The following GALNT14 variants were observed in gnomAD, a reference collection of about 807,000 sequenced individuals.
GALNT14 encodes the protein polypeptide N-acetylgalactosaminyltransferase 14, also known as UDP-GalNAc:polypeptide N-acetylgalactosaminyltransferase 14.
A neutral mutation model predicts 77.5 loss-of-function variants in GALNT14; 60 were observed. The ratio of observed to expected loss-of-function variants is 0.77; its 90% CI spans 0.63 to 0.96. The LOEUF (loss-of-function observed/expected upper bound fraction) is 0.96, where lower values mean the gene tolerates loss of function less well. Among genes scored for constraint, GALNT14 ranks in the 40% least tolerant of loss-of-function variants. GALNT14 has a pLI of 0.00. For missense variants in GALNT14, 710 were observed against 731.0 expected (o/e 0.97, Z 0.33); for synonymous variants, 280 against 281.7 (o/e 0.99, Z 0.06).
chr2:30,918,190 C>A (rs530457862), intron 13 of GALNT14, among the ~76,000 whole-genome samples: 1 of 152,196 alleles, frequency 6.6e-6, no homozygotes, highest in Non-Finnish European at 1.5e-5. Context: ...TCCTTTCCTC[C>A]CATGTGGCAA....
Position 30,924,255 on chromosome 2 carries a change from T to C in GALNT14, c.1244A>G (p.Lys415Arg), listed in dbSNP as rs756299828. 3.1e-6 allele frequency: 5 copies of C among 1,613,998 alleles called. No individual in the cohort carries two copies. The highest frequency in any genetic ancestry group is 2.7e-5 in the African/African-American group (2 of 74,912). The part of the protein sequence containing the change: ...ENIYPELSIP[K>R]ESSIQKGNIR... The stretch of plus-strand genomic sequence containing the variant: ...ATTGCCCTTCTGGATGGAGGACTCC[T>C]TGGGGATGCTGGAGGAGAGTCACAG... The change falls in exon 13 of 15, where the codon AAG (lysine) becomes AGG (arginine). Residue 415 changes from lysine to arginine, a missense_variant. Transcript: ENST00000349752.
chr2:30,898,557 A>G, the GALNT14 span, among the ~76,000 whole-genome samples: 1 of 152,230 alleles, frequency 6.6e-6, no homozygotes, highest in African/African-American at 2.4e-5. Context: ...CAGTCAAGTT[A>G]AGTAACTTGC....
At chr2:31,063,978 G>C (rs955559020) in intron 1 of GALNT14, among the ~76,000 whole-genome samples, 1 of 152,216 alleles carries the variant, frequency 6.6e-6, no homozygotes, top group Non-Finnish European at 1.5e-5. Flanking sequence ...GCCCTACAGA[G>C]GGGACTTCCA....
rs151185674 is a variant in GALNT14 at position 31,015,804 on chromosome 2, G to A, written c.130-22797C>T. Among the ~76,000 whole-genome samples the A allele has an allele frequency of 1.0e-3, 155 of 152,316 alleles. 2 individuals carry two copies. The South Asian group carries it at 0.018, about 18-fold the overall frequency. ...AAACAACTGACTAGAACTCTTCAGC[G>A]TGTCAAGGTCACGTAAGACAAGGAA... On this transcript the variant is annotated intron_variant, in intron 1 of 14. Transcript: ENST00000349752.
Position 30,942,270 on chromosome 2 carries a change from C to G in GALNT14, c.862G>C (p.Asp288His), listed in dbSNP as rs768679640. Residue 288 changes from aspartate (D) to histidine (H), a missense_variant, in exon 9 of 15, where the codon GAC becomes CAC. Asp to His is a moderately conservative substitution (Grantham distance 81). Transcript: ENST00000349752. ...CCCAGGTAATCAAACCAAGCTTTGT[C>G]GATCACGAAGAGCCCTCCAGCTATG... ...PIIAGGLFVI[D>H]KAWFDYLGKY... The G allele has an allele frequency of 6.2e-7, 1 of 1,614,074 alleles. No homozygotes were observed. Among genetic ancestry groups the G allele is most frequent in the African/African-American group, 1.3e-5 (1 of 75,026 alleles).
chr2:31,025,962 A>C (rs998606484), intron 1 of GALNT14, among the ~76,000 whole-genome samples: 2 of 152,188 alleles, frequency 1.3e-5, no homozygotes, highest in Admixed American at 6.5e-5. Context: ...GCCCGTCTAC[A>C]TTATGAAGAG....
At chr2:30,966,723 G>A (rs1367489883) in intron 2 of GALNT14, among the ~76,000 whole-genome samples, 1 of 152,154 alleles carries the variant, frequency 6.6e-6, no homozygotes, top group Non-Finnish European at 1.5e-5. Flanking sequence ...AGTCGGCAGA[G>A]GCTTCACTGT....
intron 1 of GALNT14, among the ~76,000 whole-genome samples, chr2:31,085,875 G>T (rs1369580987): frequency 6.6e-6 from 1 of 152,204 alleles, no homozygotes; most frequent in Non-Finnish European, 1.5e-5. Context: ...GGCTGGGGAG[G>T]CCTCACAATC....
At chr2:31,000,388 G>C (rs760404109) in intron 1 of GALNT14, among the ~76,000 whole-genome samples, 1 of 151,676 alleles carries the variant, frequency 6.6e-6, no homozygotes, top group African/African-American at 2.4e-5. Flanking sequence ...GCAGATTCTT[G>C]TATGTGTTTC....
chr2:31,047,822 C>T (rs142567716), intron 1 of GALNT14, among the ~76,000 whole-genome samples: 183 of 152,278 alleles, frequency 1.2e-3, no homozygotes, highest in African/African-American at 4.2e-3. Context: ...GAGTTGTATG[C>T]CTAAAGGGAC....
At chr2:31,007,651 G>A (rs980169622) in intron 1 of GALNT14, among the ~76,000 whole-genome samples, 1 of 152,142 alleles carries the variant, frequency 6.6e-6, no homozygotes, top group African/African-American at 2.4e-5. Flanking sequence ...TAACTGGATA[G>A]GAATCCAGAT....
chr2:31,025,127 T>C (rs1310883042), intron 1 of GALNT14, among the ~76,000 whole-genome samples: 5 of 152,246 alleles, frequency 3.3e-5, no homozygotes, highest in Non-Finnish European at 7.3e-5. Flanking sequence ...AGTACTTGTA[T>C]TGGGTTAGGT....
the GALNT14 span, among the ~76,000 whole-genome samples, chr2:30,887,226 A>G: frequency 1.3e-5 from 2 of 152,106 alleles, no homozygotes; most frequent in Non-Finnish European, 2.9e-5. Context: ...AGTTTTTTTC[A>G]GGGATATATG....
At chr2:30,893,538 A>G in the GALNT14 span, among the ~76,000 whole-genome samples, 51 of 152,350 alleles carry the variant, frequency 3.3e-4, no homozygotes, top group African/African-American at 1.2e-3. Context: ...AAAAGGAGAA[A>G]AATGTGAGCA....
At position 30,966,095 on chromosome 2, in the gene GALNT14, G is replaced by T. The variant is rs1397419979; in HGVS notation, c.398+109C>A. 4 of 748,868 alleles carry T rather than the reference G, an allele frequency of 5.3e-6. No individual in the cohort carries two copies. In the Admixed American group the frequency reaches 6.2e-5, roughly 12 times the overall value. The allele number at this position is 748,868 out of a possible 1,614,324, so 46.4% of individuals were successfully genotyped here. The stretch of plus-strand genomic sequence containing the variant: ...CATATAGAATAGTGCCTGGCACGTA[G>T]TTAGATGTGTCTGGTGCTCCTAGTA... On this transcript the variant is annotated intron_variant, in intron 3 of 14. Coordinates refer to ENST00000349752, the MANE Select transcript of GALNT14 (RefSeq NM_024572.4).
chr2:30,988,167 T>C lies in GALNT14; in HGVS notation c.299+4671A>G, dbSNP rs74935242. On this transcript the variant is annotated intron_variant, in intron 2 of 14. Coordinates refer to ENST00000349752, the MANE Select transcript of GALNT14 (RefSeq NM_024572.4). The stretch of plus-strand genomic sequence containing the variant: ...TTCCAGGGTTACCCTCCCTTTCATT[T>C]GTTCAACATTTATTGAATTCCTATC... Among the ~76,000 whole-genome samples the C allele has an allele frequency of 9.0e-3, 1,366 of 152,276 alleles. 13 individuals carry two copies. Among genetic ancestry groups the C allele is most frequent in the Non-Finnish European group, 0.014 (977 of 68,004 alleles).
At position 30,958,888 on chromosome 2, in the gene GALNT14, G is replaced by A. The variant is rs1043156631; in HGVS notation, c.399-424C>T. ...CCATCTTGCTCGTGGTCTCCAGAGC[G>A]AACTTTCTGACAAGGAGCTTTGATT... On this transcript the variant is annotated intron_variant, in intron 3 of 14. Coordinates refer to ENST00000349752, the MANE Select transcript of GALNT14 (RefSeq NM_024572.4). Among the ~76,000 whole-genome samples, 8 of 152,146 alleles carry A rather than the reference G, an allele frequency of 5.3e-5. No homozygotes were observed. In the South Asian group the frequency reaches 6.2e-4, roughly 12 times the overall value.
At position 31,060,107 on chromosome 2, in the gene GALNT14, G is replaced by A. The variant is rs144003588; in HGVS notation, c.130-67100C>T. Among the ~76,000 whole-genome samples, 65 of 152,254 alleles carry A rather than the reference G, an allele frequency of 4.3e-4. No homozygotes were observed. In the East Asian group the frequency reaches 7.7e-3, roughly 18 times the overall value. ...AAGAAAGATGTTATTAGCTGTACTC[G>A]ACAGGTGAAGAGACCAAAGGCAGGA... On this transcript the variant is annotated intron_variant, in intron 1 of 14. Coordinates refer to ENST00000349752, the MANE Select transcript of GALNT14 (RefSeq NM_024572.4).
In GALNT14 at chr2:31,138,134, C is replaced by A. The variant is rs761976498; in HGVS notation, c.-48G>T. 3.1e-6 allele frequency: 5 copies of A among 1,612,310 alleles called. No individual in the cohort carries two copies. Among genetic ancestry groups the A allele is most frequent in the Non-Finnish European group, 4.2e-6 (5 of 1,179,212 alleles). ...CCGCGGCGCTACGTCCCGGGGGCAC[C>A]CCCCGGCGGTCAGGGTTGGCGGGGC... On this transcript the variant is annotated 5_prime_UTR_variant, in exon 1 of 15. Coordinates refer to ENST00000349752, the MANE Select transcript of GALNT14 (RefSeq NM_024572.4).
Sources: gnomAD v4.1 joint callset for allele counts (sites outside exome capture counted in the v4.1 genomes callset) on GRCh38, gnomAD v4.1.1 for gene constraint, MANE v1.5 for transcripts, NCBI Gene and HGNC (gene_info 2026-07-23, HGNC 2026-07-21) for gene names.